Variants in MAPK14 observed in about 807,000 individuals in gnomAD.
MAPK14 encodes mitogen-activated protein kinase 14.
Under a neutral mutation model 49.6 loss-of-function variants are expected in MAPK14, and 16 were observed. That is an observed-to-expected ratio of 0.32 (90% confidence interval 0.22 to 0.49). MAPK14 has a LOEUF of 0.49. Ranked by LOEUF, MAPK14 falls within the 20% of genes least tolerant of loss-of-function variation. The probability of loss-of-function intolerance (pLI) is 0.99; values close to 1 mark genes in which losing one functional copy is unlikely to be tolerated. For synonymous variants in MAPK14, 142 were observed against 158.0 expected (o/e 0.90, Z 0.76); for missense variants, 200 against 441.2 (o/e 0.45, Z 4.90).
intron 8 of MAPK14, chr6:36,092,647 C>A: frequency 2.6e-6 from 1 of 384,034 alleles, no homozygotes; most frequent in South Asian, 2.1e-5. Flanking sequence ...CTTGGCTCTC[C>A]CTTTTCAAAC....
intron 3 of MAPK14, among the ~76,000 whole-genome samples, chr6:36,060,992 A>G (rs565495323): frequency 6.6e-6 from 1 of 152,336 alleles, no homozygotes; most frequent in Admixed American, 6.5e-5. Flanking sequence ...AACAATATGG[A>G]GGCTTCCAGA....
At chr6:36,111,530 T>C (rs1765972264), downstream of MAPK14, among the ~76,000 whole-genome samples, 1 of 152,232 alleles carries the variant, frequency 6.6e-6, no homozygotes, top group African/African-American at 2.4e-5. Flanking sequence ...GTTTGTAAGC[T>C]TTTAGGCGAA....
At chr6:36,042,077 T>G (rs1762983783) in intron 1 of MAPK14, among the ~76,000 whole-genome samples, 1 of 152,338 alleles carries the variant, frequency 6.6e-6, no homozygotes, top group East Asian at 1.9e-4. Context: ...TGAAAAGGAC[T>G]GTTCTGACAG....
intron 1 of MAPK14, among the ~76,000 whole-genome samples, chr6:36,042,249 G>GGTA (rs1318685056): frequency 1.3e-5 from 2 of 152,082 alleles, no homozygotes; most frequent in Non-Finnish European, 1.5e-5. Context: ...TGGTTCTTTA[G>GGTA]GTAGTAGAGA....
intron 1 of MAPK14, among the ~76,000 whole-genome samples, chr6:36,037,532 G>A (rs1366621514): frequency 1.3e-5 from 2 of 152,050 alleles, no homozygotes; most frequent in Admixed American, 1.3e-4. Context: ...AGTGTTACAG[G>A]GTACAAGATT....
chr6:36,122,429 C>T, the MAPK14 span, among the ~76,000 whole-genome samples: 1 of 152,238 alleles, frequency 6.6e-6, no homozygotes, highest in African/African-American at 2.4e-5. Flanking sequence ...TGCACACAGA[C>T]AGAGATGCAG....
intron 9 of MAPK14, chr6:36,096,699 G>A (rs1028201933): frequency 1.3e-5 from 2 of 152,232 alleles, no homozygotes; most frequent in African/African-American, 4.8e-5. Flanking sequence ...CAGATACACA[G>A]GAATGTGGTT....
chr6:36,087,097 C>A (rs1225157373), intron 8 of MAPK14, among the ~76,000 whole-genome samples: 1 of 152,076 alleles, frequency 6.6e-6, no homozygotes, highest in African/African-American at 2.4e-5. Context: ...ATTCAACATC[C>A]CTTCATGTTA....
At chr6:36,089,866 C>G (rs139056913) in intron 8 of MAPK14, among the ~76,000 whole-genome samples, 28 of 152,332 alleles carry the variant, frequency 1.8e-4, no homozygotes, top group African/African-American at 6.7e-4. Flanking sequence ...ACGCTTAACA[C>G]TCTGCAGCTT....
chr6:36,054,323 A>AT (rs1272781170), intron 2 of MAPK14, among the ~76,000 whole-genome samples: 3 of 152,220 alleles, frequency 2.0e-5, no homozygotes, highest in African/African-American at 7.2e-5. Context: ...CTAGGATCCT[A>AT]TTGATGTGGC....
intron 6 of MAPK14, 93 bp downstream of exon 6, chr6:36,074,189 G>A (rs913581482): frequency 8.5e-6 from 7 of 819,734 alleles, no homozygotes; most frequent in Non-Finnish European, 1.2e-5. Context: ...AGCTTTGTGA[G>A]CCATGACTAT....
intron 2 of MAPK14, among the ~76,000 whole-genome samples, chr6:36,056,821 C>T (rs553923305): frequency 1.2e-4 from 19 of 152,044 alleles, no homozygotes; most frequent in Non-Finnish European, 2.8e-4. Context: ...AATATTGGAA[C>T]GGTGAATAAA....
At chr6:36,121,857 T>C in the MAPK14 span, among the ~76,000 whole-genome samples, 1 of 152,242 alleles carries the variant, frequency 6.6e-6, no homozygotes, top group Admixed American at 6.5e-5. Flanking sequence ...GGCAAGTCAC[T>C]TCACCTCTCT....
At chr6:36,100,695 A>G (rs1202789987) in intron 9 of MAPK14, among the ~76,000 whole-genome samples, 4 of 152,206 alleles carry the variant, frequency 2.6e-5, no homozygotes, top group Non-Finnish European at 5.9e-5. Flanking sequence ...CAATACTAAT[A>G]TGTACTATAT....
intron 8 of MAPK14, among the ~76,000 whole-genome samples, chr6:36,084,273 A>G (rs1302675611): frequency 6.6e-6 from 1 of 152,244 alleles, no homozygotes; most frequent in Non-Finnish European, 1.5e-5. Flanking sequence ...AAACTCAAAA[A>G]GCCAGAGTGC....
At chr6:36,102,673 C>T (rs2127473303) in intron 10 of MAPK14, 24 bp downstream of exon 10, 1 of 1,610,522 alleles carries the variant, frequency 6.2e-7, no homozygotes, top group Middle Eastern at 1.7e-4. Context: ...ATATCCTCAC[C>T]TCATGGATAT....
intron 2 of MAPK14, among the ~76,000 whole-genome samples, chr6:36,054,154 G>A (rs1763505492): frequency 6.6e-6 from 1 of 152,098 alleles, no homozygotes; most frequent in Non-Finnish European, 1.5e-5. Context: ...GGATGTGTTT[G>A]CGTTTGATTT....
chr6:36,069,057 G>A (rs529137481), intron 3 of MAPK14, among the ~76,000 whole-genome samples: 1 of 152,296 alleles, frequency 6.6e-6, no homozygotes, highest in African/African-American at 2.4e-5. Context: ...GAACTAGATA[G>A]CTTTCCAACC....
At chr6:36,076,793 C>A in intron 8 of MAPK14, 185 bp downstream of exon 8, 1 of 449,816 alleles carries the variant, frequency 2.2e-6, no homozygotes, top group Non-Finnish European at 3.9e-6. Flanking sequence ...CTTCAGTTTA[C>A]TTTTGTGAGT....
Sources: allele counts gnomAD v4.1 joint callset (sites outside exome capture counted in the v4.1 genomes callset), GRCh38; gene constraint gnomAD v4.1.1; transcripts MANE v1.5; gene names NCBI Gene and HGNC (gene_info 2026-07-23, HGNC 2026-07-21).